Variants in NXPH1 observed in about 807,000 individuals in gnomAD.
NXPH1 encodes the protein neurexophilin-1.
NXPH1 carries 5 observed loss-of-function variants against 23.7 expected under a neutral mutation model. The observed-to-expected ratio is 0.21, with a 90% CI of 0.11 to 0.44. NXPH1 has a LOEUF of 0.44. Among genes scored for constraint, NXPH1 ranks in the 20% least tolerant of loss-of-function variants. The pLI, the probability that NXPH1 is intolerant of heterozygous loss-of-function variation, is 0.99. For missense variants in NXPH1, 324 were observed against 321.6 expected (o/e 1.01, Z -0.06); for synonymous variants, 144 against 122.2 (o/e 1.18, Z -1.18).
intron 2 of NXPH1, among the ~76,000 whole-genome samples, chr7:8,711,004 A>T (rs1779786526): frequency 6.6e-6 from 1 of 152,172 alleles, no homozygotes; most frequent in African/African-American, 2.4e-5. Flanking sequence ...ATTCCATGGA[A>T]AGTAGATTTT....
At chr7:8,684,361 T>G (rs992916297) in intron 2 of NXPH1, among the ~76,000 whole-genome samples, 1 of 152,176 alleles carries the variant, frequency 6.6e-6, no homozygotes, top group Non-Finnish European at 1.5e-5. Context: ...GCCTTTGATA[T>G]GCGATACTTG....
At chr7:8,471,859 A>G (rs1282570439) in intron 2 of NXPH1, among the ~76,000 whole-genome samples, 1 of 152,126 alleles carries the variant, frequency 6.6e-6, no homozygotes, top group East Asian at 1.9e-4. Flanking sequence ...ACAAGTTACA[A>G]AAACAGTAGG....
At chr7:8,625,250 A>G (rs969463452) in intron 2 of NXPH1, among the ~76,000 whole-genome samples, 8 of 152,198 alleles carry the variant, frequency 5.3e-5, no homozygotes, top group Non-Finnish European at 1.2e-4. Flanking sequence ...GAATAGTAAA[A>G]TAATACTGTA....
chr7:8,564,811 T>G (rs965887815), intron 2 of NXPH1, among the ~76,000 whole-genome samples: 4 of 151,768 alleles, frequency 2.6e-5, no homozygotes, highest in African/African-American at 9.7e-5. Context: ...CACTCTGTGC[T>G]TTTTAGAAAC....
intron 2 of NXPH1, among the ~76,000 whole-genome samples, chr7:8,671,949 TG>T (rs1820874849): frequency 6.6e-6 from 1 of 152,190 alleles, no homozygotes. Flanking sequence ...TGGGGTTGTT[TG>T]TTTTTTTCTT....
At chr7:8,463,238 T>A (rs1319900728) in intron 2 of NXPH1, among the ~76,000 whole-genome samples, 1 of 152,134 alleles carries the variant, frequency 6.6e-6, no homozygotes, top group Non-Finnish European at 1.5e-5. Flanking sequence ...TACTGACACT[T>A]CCTTCTTTTT....
At chr7:8,473,482 G>A (rs941231773) in intron 2 of NXPH1, among the ~76,000 whole-genome samples, 5 of 152,122 alleles carry the variant, frequency 3.3e-5, no homozygotes, top group Non-Finnish European at 2.9e-5. Flanking sequence ...TGGCATGCGG[G>A]TGTGAGGCTT....
chr7:8,611,385 G>C (rs1443410237), intron 2 of NXPH1, among the ~76,000 whole-genome samples: 1 of 152,030 alleles, frequency 6.6e-6, no homozygotes. Context: ...TGCGTTACAT[G>C]GTCAAGACCA....
At chr7:8,622,639 TTGTC>T (rs1191786518) in intron 2 of NXPH1, among the ~76,000 whole-genome samples, 1 of 152,164 alleles carries the variant, frequency 6.6e-6, no homozygotes, top group African/African-American at 2.4e-5. Flanking sequence ...AATTTTCCAT[TTGTC>T]TGGTTATTCT....
At chr7:8,507,132 A>G (rs1817540236) in intron 2 of NXPH1, among the ~76,000 whole-genome samples, 1 of 151,712 alleles carries the variant, frequency 6.6e-6, no homozygotes, top group Non-Finnish European at 1.5e-5. Flanking sequence ...GTGGGTGCAG[A>G]AGAAGCAGAT....
intron 2 of NXPH1, among the ~76,000 whole-genome samples, chr7:8,521,661 T>C (rs1817773531): frequency 6.6e-6 from 1 of 152,280 alleles, no homozygotes; most frequent in East Asian, 1.9e-4. Context: ...GGGTTCGCAA[T>C]TGAGATATAG....
intron 2 of NXPH1, among the ~76,000 whole-genome samples, chr7:8,681,115 A>C (rs1821043028): frequency 6.6e-6 from 1 of 152,130 alleles, no homozygotes; most frequent in Admixed American, 6.5e-5. Context: ...CAGCCCCTTT[A>C]TGTTACATAG....
At chr7:8,512,691 A>G (rs1289060363) in intron 2 of NXPH1, among the ~76,000 whole-genome samples, 1 of 152,158 alleles carries the variant, frequency 6.6e-6, no homozygotes, top group East Asian at 1.9e-4. Context: ...AGTTAAATTA[A>G]TAGTATTTCT....
chr7:8,486,940 T>G (rs1358186062), intron 2 of NXPH1, among the ~76,000 whole-genome samples: 2 of 152,190 alleles, frequency 1.3e-5, no homozygotes, highest in Non-Finnish European at 2.9e-5. Flanking sequence ...ATAGCCCTTG[T>G]AAGTAATAAT....
intron 2 of NXPH1, among the ~76,000 whole-genome samples, chr7:8,441,685 C>G (rs749362632): frequency 2.6e-5 from 4 of 152,204 alleles, no homozygotes; most frequent in Non-Finnish European, 4.4e-5. Context: ...ACTATGCAAG[C>G]TTTCCAAGAG....
chr7:8,521,860 G>A (rs776310705), intron 2 of NXPH1, among the ~76,000 whole-genome samples: 2 of 152,140 alleles, frequency 1.3e-5, no homozygotes, highest in African/African-American at 2.4e-5. Context: ...GTGGGTGGAA[G>A]CGATTTGAAG....
intron 2 of NXPH1, among the ~76,000 whole-genome samples, chr7:8,516,540 A>T (rs946407956): frequency 1.3e-5 from 2 of 152,140 alleles, no homozygotes; most frequent in Non-Finnish European, 2.9e-5. Flanking sequence ...GCTCAAGGAT[A>T]TCTTGATCCT....
chr7:8,494,126 C>G (rs1345501151), intron 2 of NXPH1, among the ~76,000 whole-genome samples: 1 of 151,952 alleles, frequency 6.6e-6, no homozygotes, highest in Non-Finnish European at 1.5e-5. Flanking sequence ...CAGGGAGGTA[C>G]TACTTGTCAC....
At chr7:8,685,857 T>C (rs1436748789) in intron 2 of NXPH1, among the ~76,000 whole-genome samples, 2 of 152,016 alleles carry the variant, frequency 1.3e-5, no homozygotes, top group African/African-American at 4.8e-5. Context: ...AGACCTATTA[T>C]TGGATAGCAC....
Sources: allele counts gnomAD v4.1 joint callset (sites outside exome capture counted in the v4.1 genomes callset), GRCh38; gene constraint gnomAD v4.1.1; transcripts MANE v1.5; gene names NCBI Gene and HGNC (gene_info 2026-07-23, HGNC 2026-07-21).